Variants in TECRL observed in about 807,000 individuals in gnomAD.
TECRL encodes the protein trans-2,3-enoyl-CoA reductase like.
Under a neutral mutation model 52.8 loss-of-function variants are expected in TECRL, and 63 were observed. The ratio of observed to expected loss-of-function variants is 1.19; its 90% CI spans 0.97 to 1.47. The LOEUF is 1.47. Among genes scored for constraint, TECRL ranks in the 40% most tolerant of loss-of-function variants. TECRL has a pLI of 0.00. For missense variants in TECRL, 482 were observed against 429.6 expected (o/e 1.12, Z -1.08); for synonymous variants, 164 against 141.9 (o/e 1.16, Z -1.10).
intron 1 of TECRL, among the ~76,000 whole-genome samples, chr4:64,397,366 T>C (rs1205350574): frequency 6.6e-6 from 1 of 152,040 alleles, no homozygotes; most frequent in East Asian, 1.9e-4. Flanking sequence ...GGAACTACAG[T>C]ACATTTATTA....
chr4:64,328,357 A>C, intron 3 of TECRL, among the ~76,000 whole-genome samples, 155 bp downstream of exon 3: 1 of 152,118 alleles, frequency 6.6e-6, no homozygotes, highest in Admixed American at 6.6e-5. Context: ...AGACTAAATT[A>C]TTCATTTATA....
intron 6 of TECRL, among the ~76,000 whole-genome samples, chr4:64,306,869 C>G (rs1724371118): frequency 6.6e-6 from 1 of 152,188 alleles, no homozygotes; most frequent in South Asian, 2.1e-4. Flanking sequence ...CCCCAAACTC[C>G]TCTCTTTCAA....
At chr4:64,292,083 A>C (rs1245293417) in intron 8 of TECRL, among the ~76,000 whole-genome samples, 1 of 152,016 alleles carries the variant, frequency 6.6e-6, no homozygotes, top group Non-Finnish European at 1.5e-5. Flanking sequence ...CTGGTGATAT[A>C]ATTTCCTTTT....
chr4:64,367,576 C>T (rs1577945264), intron 2 of TECRL, among the ~76,000 whole-genome samples: 1 of 151,970 alleles, frequency 6.6e-6, no homozygotes, highest in South Asian at 2.1e-4. Context: ...ATTAAATATA[C>T]AGCGAAATAA....
At chr4:64,407,107 C>G (rs1231722768) in intron 1 of TECRL, among the ~76,000 whole-genome samples, 1 of 151,818 alleles carries the variant, frequency 6.6e-6, no homozygotes, top group Non-Finnish European at 1.5e-5. Flanking sequence ...AAACAAGACA[C>G]AGCAAGATCC....
chr4:64,328,198 T>A (rs1718390522), intron 3 of TECRL, among the ~76,000 whole-genome samples: 1 of 151,960 alleles, frequency 6.6e-6, no homozygotes, highest in African/African-American at 2.4e-5. Flanking sequence ...GCATTAACCT[T>A]AAGAATATAT....
At chr4:64,310,980 C>T (rs1173505237) in intron 5 of TECRL, among the ~76,000 whole-genome samples, 2 of 152,116 alleles carry the variant, frequency 1.3e-5, no homozygotes, top group East Asian at 3.8e-4. Context: ...TGGGGTTCCC[C>T]AACTGCTAGG....
intron 6 of TECRL, 31 bp downstream of exon 6, chr4:64,309,795 A>T: frequency 7.4e-7 from 1 of 1,353,142 alleles, no homozygotes; most frequent in Non-Finnish European, 1.1e-6. Flanking sequence ...AAAATGTCTC[A>T]ATCATTATTA....
chr4:64,286,901 TA>T (rs1250501483), intron 9 of TECRL, among the ~76,000 whole-genome samples: 2 of 152,206 alleles, frequency 1.3e-5, no homozygotes, highest in Non-Finnish European at 2.9e-5. Context: ...TAGATAAGAC[TA>T]AAATTTGTGA....
intron 3 of TECRL, among the ~76,000 whole-genome samples, chr4:64,327,358 A>G (rs1211142009): frequency 6.6e-6 from 1 of 152,148 alleles, no homozygotes; most frequent in Non-Finnish European, 1.5e-5. Context: ...ACAGAAATTT[A>G]TCAGTCTCTT....
intron 1 of TECRL, among the ~76,000 whole-genome samples, chr4:64,405,022 A>G (rs1724610805): frequency 6.6e-6 from 1 of 151,622 alleles, no homozygotes; most frequent in South Asian, 2.1e-4. Flanking sequence ...CAAACAAACA[A>G]TCTGATATTT....
Position 64,310,508 on chromosome 4 carries a change from TAA to T in TECRL, c.552-579_552-578del, listed in dbSNP as rs1577847686. On this transcript the variant is annotated intron_variant, in intron 5 of 11. Coordinates refer to ENST00000381210, the MANE Select transcript of TECRL (RefSeq NM_001010874.5). ...TGTGTTTGTTTGTGTTGCTGTACTC[TAA>T]GTTACCACCTCTTCTTATCATTTTT... 3.9e-5 allele frequency among the ~76,000 whole-genome samples: 6 copies of T among 152,308 alleles called. No individual in the cohort carries two copies. In the East Asian group the frequency reaches 1.2e-3, roughly 29 times the overall value.
chr4:64,325,629 C>A (rs374836050), intron 3 of TECRL, among the ~76,000 whole-genome samples: 26 of 151,986 alleles, frequency 1.7e-4, no homozygotes, highest in African/African-American at 6.3e-4. Flanking sequence ...TCAAAATTGT[C>A]AGTAGTATTA....
chr4:64,310,708 A>T, intron 5 of TECRL, among the ~76,000 whole-genome samples: 1 of 152,130 alleles, frequency 6.6e-6, no homozygotes, highest in East Asian at 1.9e-4. Context: ...AATACGGATC[A>T]AAGATGACCT....
At chr4:64,355,053 T>C (rs971440677) in intron 2 of TECRL, among the ~76,000 whole-genome samples, 5 of 152,218 alleles carry the variant, frequency 3.3e-5, no homozygotes, top group African/African-American at 1.2e-4. Context: ...TGATATATCA[T>C]CATTTTAGAA....
intron 8 of TECRL, among the ~76,000 whole-genome samples, chr4:64,296,017 C>T (rs1347689791): frequency 7.2e-5 from 11 of 151,882 alleles, no homozygotes; most frequent in African/African-American, 2.7e-4. Flanking sequence ...TGAAAACACA[C>T]AGAGTACTAG....
intron 1 of TECRL, among the ~76,000 whole-genome samples, chr4:64,385,185 T>C (rs1329576585): frequency 1.3e-5 from 2 of 152,110 alleles, no homozygotes; most frequent in Non-Finnish European, 2.9e-5. Context: ...CCCCTGATAG[T>C]TCCCAGCTTA....
intron 2 of TECRL, among the ~76,000 whole-genome samples, chr4:64,353,116 T>C (rs539551201): frequency 5.3e-5 from 8 of 152,346 alleles, no homozygotes; most frequent in African/African-American, 1.7e-4. Flanking sequence ...TACAGGTAAA[T>C]AGTGTATAAC....
intron 2 of TECRL, among the ~76,000 whole-genome samples, chr4:64,339,439 A>G (rs963487003): frequency 6.6e-6 from 1 of 151,136 alleles, no homozygotes; most frequent in African/African-American, 2.5e-5. Flanking sequence ...CTTAAAGTAT[A>G]ATAAAAATAT....
Sources: gnomAD v4.1 joint callset for allele counts (sites outside exome capture counted in the v4.1 genomes callset) on GRCh38, gnomAD v4.1.1 for gene constraint, MANE v1.5 for transcripts, NCBI Gene and HGNC (gene_info 2026-07-23, HGNC 2026-07-21) for gene names.